ADGRE3: variants seen among roughly 807,000 people sequenced by gnomAD.
ADGRE3 encodes EGF-like module receptor 3.
ADGRE3 carries 88 observed loss-of-function variants against 80.1 expected under a neutral mutation model. The ratio of observed to expected loss-of-function variants is 1.10; its 90% CI spans 0.93 to 1.31. The LOEUF is 1.31. Among genes scored for constraint, ADGRE3 ranks in the 40% most tolerant of loss-of-function variants. The pLI, the probability that ADGRE3 is intolerant of heterozygous loss-of-function variation, is 0.00. For missense variants in ADGRE3, 715 were observed against 776.5 expected, an observed-to-expected ratio of 0.92 and a Z score of 0.94; for synonymous variants, 281 against 294.8, an observed-to-expected ratio of 0.95 and a Z score of 0.48.
intron 11 of ADGRE3, among the ~76,000 whole-genome samples, chr19:14,633,707 A>AT: frequency 2.2e-5 from 3 of 135,684 alleles, no homozygotes; most frequent in Non-Finnish European, 4.6e-5. Flanking sequence ...TCCGTCTCAA[A>AT]AAAAATAAAA....
intron 5 of ADGRE3, among the ~76,000 whole-genome samples, 182 bp from the exon 6 acceptor site, chr19:14,655,347 C>T (rs1321885976): frequency 1.3e-5 from 2 of 152,070 alleles, no homozygotes; most frequent in Admixed American, 6.6e-5. Flanking sequence ...ACTCTGTGCC[C>T]CACGACAGGA....
intron 4 of ADGRE3, among the ~76,000 whole-genome samples, chr19:14,660,203 A>G (rs1289306535): frequency 1.3e-5 from 2 of 152,222 alleles, no homozygotes; most frequent in Non-Finnish European, 2.9e-5. Flanking sequence ...ACCTCTTAAC[A>G]TTAGGAAAAC....
At chr19:14,629,401 T>G (rs533561484) in intron 14 of ADGRE3, among the ~76,000 whole-genome samples, 1 of 152,318 alleles carries the variant, frequency 6.6e-6, no homozygotes, top group East Asian at 1.9e-4. Flanking sequence ...ACACTCTGTC[T>G]TAGTCTCTTG....
At chr19:14,625,833 T>C (rs894857680) in intron 14 of ADGRE3, among the ~76,000 whole-genome samples, 2 of 152,172 alleles carry the variant, frequency 1.3e-5, no homozygotes, top group African/African-American at 4.8e-5. Flanking sequence ...AAGCTGGTCA[T>C]GAAAAGGCAC....
At chr19:14,651,810 G>A (rs2146869875) in intron 6 of ADGRE3, among the ~76,000 whole-genome samples, 1 of 152,300 alleles carries the variant, frequency 6.6e-6, no homozygotes, top group East Asian at 1.9e-4. Flanking sequence ...GGGAGGCCAT[G>A]GCAGGTGGAT....
At chr19:14,619,721 C>T (rs1264245851) in intron 15 of ADGRE3, among the ~76,000 whole-genome samples, 2 of 152,180 alleles carry the variant, frequency 1.3e-5, no homozygotes, top group Non-Finnish European at 1.5e-5. Context: ...ATATTACACT[C>T]TGGAATTTCA....
chr19:14,644,052 C>T (rs921612733), intron 9 of ADGRE3, 56 bp downstream of exon 9: 2 of 1,128,960 alleles, frequency 1.8e-6, no homozygotes, highest in African/African-American at 1.6e-5. Flanking sequence ...CACTTATTAC[C>T]ACTTAGTAGG....
At chr19:14,634,246 G>A (rs895856024) in intron 11 of ADGRE3, among the ~76,000 whole-genome samples, 4 of 151,924 alleles carry the variant, frequency 2.6e-5, no homozygotes, top group East Asian at 1.9e-4. Flanking sequence ...AACAAATTAC[G>A]TGCTCAAATT....
At chr19:14,661,422 G>T (rs117181797) in intron 4 of ADGRE3, among the ~76,000 whole-genome samples, 2,036 of 152,270 alleles carry the variant, frequency 0.013, 24 homozygotes, top group Middle Eastern at 0.031. Flanking sequence ...TCCTTGCAGG[G>T]CATGGCTACG....
intron 4 of ADGRE3, among the ~76,000 whole-genome samples, chr19:14,659,028 T>C (rs1464240642): frequency 6.9e-6 from 1 of 145,238 alleles, no homozygotes; most frequent in Admixed American, 6.9e-5. Flanking sequence ...CCATCGCACC[T>C]GGCTTTTTTT....
At chr19:14,663,382 A>AAAT in intron 3 of ADGRE3, 36 bp downstream of exon 3, 1 of 1,281,730 alleles carries the variant, frequency 7.8e-7, no homozygotes, top group South Asian at 1.8e-5. Flanking sequence ...AATGATAATA[A>AAAT]AATAATAATA....
chr19:14,646,917 C>A (rs1971424962), intron 8 of ADGRE3, among the ~76,000 whole-genome samples: 1 of 151,858 alleles, frequency 6.6e-6, no homozygotes, highest in African/African-American at 2.4e-5. Context: ...AGTATAGGAG[C>A]ATGCCAACCT....
intron 7 of ADGRE3, among the ~76,000 whole-genome samples, chr19:14,650,068 T>C (rs1254971124): frequency 3.4e-5 from 4 of 116,698 alleles, no homozygotes; most frequent in Admixed American, 8.2e-5. Flanking sequence ...CCCCATCTCT[T>C]GCTTTTGATC....
chr19:14,651,922 A>G (rs1971618425), intron 6 of ADGRE3, among the ~76,000 whole-genome samples: 1 of 152,080 alleles, frequency 6.6e-6, no homozygotes, highest in Admixed American at 6.6e-5. Flanking sequence ...TGCACCTGTA[A>G]TCTCAGCTAC....
At chr19:14,602,590 G>T in the ADGRE3 span, among the ~76,000 whole-genome samples, 1 of 152,162 alleles carries the variant, frequency 6.6e-6, no homozygotes, top group African/African-American at 2.4e-5. Flanking sequence ...ACTGTACCCA[G>T]CCTAATTGGT....
At chr19:14,610,823 A>G in the ADGRE3 span, 1 of 151,990 alleles carries the variant, frequency 6.6e-6, no homozygotes, top group Non-Finnish European at 1.5e-5. Context: ...GCCTGGCTCA[A>G]AATTATTATT....
In ADGRE3 at chr19:14,638,141, G is replaced by A. The variant is rs376296541; in HGVS notation, c.1448C>T (p.Ala483Val). ...TCCATAAAGGTGAGGCCAGGAGGCT[G>A]CAGAAATGGCCACAGTCACAGCGGG... ...GVPAVTVAIS[A>V]ASWPHLYGTA... is the part of the protein sequence containing the mutation. Residue 483 changes from alanine (A) to valine (V), a missense_variant, in exon 11 of 16, where the codon GCA (alanine) becomes GTA (valine). Physicochemically the swap from Ala to Val is moderately conservative, Grantham distance 64 (BLOSUM62 0). Transcript: ENST00000253673. 6.2e-6 allele frequency: 10 copies of A among 1,614,118 alleles called. No homozygotes were observed. In the Admixed American group the frequency reaches 8.3e-5, roughly 13 times the overall value.
At chr19:14,665,276 G>T (rs1431012998) in intron 2 of ADGRE3, among the ~76,000 whole-genome samples, 2 of 151,596 alleles carry the variant, frequency 1.3e-5, no homozygotes, top group Non-Finnish European at 2.9e-5. Flanking sequence ...TGTTAGCCAG[G>T]TTGGTCTTGA....
At position 14,630,107 on chromosome 19, in the gene ADGRE3, G is replaced by A; in HGVS notation, c.1744C>T (p.Leu582Phe). The change falls in exon 14 of 16, where the codon CTC becomes TTC. Residue 582 changes from leucine to phenylalanine, a missense_variant. Leu to Phe is a conservative substitution (Grantham distance 22). Coordinates refer to ENST00000253673, the MANE Select transcript of ADGRE3 (RefSeq NM_032571.5). ...VGPAAQVMAY[L>F]FTIINSLQGF... ...TGGAGGCTGTTGATGATGGTGAAGA[G>A]GTAGGCCATGACCTGGGCAGCTGGA... 1 of 1,612,914 alleles carries A rather than the reference G, an allele frequency of 6.2e-7. No homozygotes were observed. The highest frequency in any genetic ancestry group is 8.5e-7 in the Non-Finnish European group (1 of 1,179,168).
Sources: gnomAD v4.1 joint callset for allele counts (sites outside exome capture counted in the v4.1 genomes callset) on GRCh38, gnomAD v4.1.1 for gene constraint, MANE v1.5 for transcripts, NCBI Gene and HGNC (gene_info 2026-07-23, HGNC 2026-07-21) for gene names.